Variants in MYCT1 observed in about 807,000 individuals in gnomAD.
MYCT1 encodes the protein myc target protein 1.
MYCT1 carries 12 observed loss-of-function variants against 15.0 expected under a neutral mutation model. That is an observed-to-expected ratio of 0.80 (90% CI 0.51 to 1.29). The LOEUF (loss-of-function observed/expected upper bound fraction) is 1.29. MYCT1 is among the 50% of genes most tolerant of loss of function. The probability of loss-of-function intolerance (pLI) is 0.00; values close to 1 mark genes in which losing one functional copy is unlikely to be tolerated. For missense variants in MYCT1, 287 were observed against 279.1 expected (o/e 1.03, Z -0.20); for synonymous variants, 104 against 102.7 (o/e 1.01, Z -0.07).
chr6:152,730,623 C>T, the MYCT1 span, among the ~76,000 whole-genome samples: 1 of 152,174 alleles, frequency 6.6e-6, no homozygotes, highest in African/African-American at 2.4e-5. Context: ...AGCAACCAGA[C>T]TTGCATTTGG....
In MYCT1 at chr6:152,723,149, G is replaced by C. The variant is rs2099725015; in HGVS notation, c.*896G>C. On this transcript the variant is annotated 3_prime_UTR_variant, in exon 2 of 2. Coordinates refer to ENST00000367245, the MANE Select transcript of MYCT1 (RefSeq NM_025107.3). The stretch of plus-strand genomic sequence containing the variant: ...GCACAGGAAACTGAACTCTTTTGGT[G>C]TCATTGGATGTTTCATTTTTGACAC... The C allele has an allele frequency of 1.3e-5, 2 of 152,178 alleles. No individual in the cohort carries two copies. Among genetic ancestry groups the C allele is most frequent in the African/African-American group, 2.4e-5 (1 of 41,420 alleles). The allele number at this position is 152,178 out of a possible 1,614,324, so 9.4% of individuals were successfully genotyped here.
At chr6:152,705,612 C>T (rs2099722119) in intron 1 of MYCT1, 1 of 160,844 alleles carries the variant, frequency 6.2e-6, no homozygotes, top group Admixed American at 6.4e-5. Context: ...GATAGTTCAA[C>T]TTACAATTTT....
At chr6:152,706,434 G>C (rs1050331638) in intron 1 of MYCT1, among the ~76,000 whole-genome samples, 2 of 152,134 alleles carry the variant, frequency 1.3e-5, no homozygotes, top group African/African-American at 4.8e-5. Flanking sequence ...AATCGCTGAG[G>C]TATTTTTACT....
chr6:152,707,792 T>C (rs1371671514), intron 1 of MYCT1, among the ~76,000 whole-genome samples: 2 of 152,068 alleles, frequency 1.3e-5, no homozygotes, highest in East Asian at 3.8e-4. Context: ...TGTTGTCAAA[T>C]ACCAATTGTC....
At chr6:152,745,937 G>T in the MYCT1 span, among the ~76,000 whole-genome samples, 2 of 152,144 alleles carry the variant, frequency 1.3e-5, no homozygotes, top group African/African-American at 4.8e-5. Context: ...AGCCAAGTTA[G>T]CCTCTATTGT....
intron 1 of MYCT1, among the ~76,000 whole-genome samples, chr6:152,721,226 C>T (rs1472438528): frequency 6.6e-6 from 1 of 152,160 alleles, no homozygotes; most frequent in Non-Finnish European, 1.5e-5. Context: ...CCCAGCACTT[C>T]CTGTCTCAGA....
chr6:152,742,898 T>G, the MYCT1 span, among the ~76,000 whole-genome samples: 1 of 152,180 alleles, frequency 6.6e-6, no homozygotes, highest in Non-Finnish European at 1.5e-5. Flanking sequence ...TGTTTCTCAT[T>G]TCCTTAGTAA....
the MYCT1 span, among the ~76,000 whole-genome samples, chr6:152,737,066 G>T: frequency 6.6e-6 from 1 of 152,012 alleles, no homozygotes; most frequent in Non-Finnish European, 1.5e-5. Flanking sequence ...ATAACCAAAA[G>T]CTTATCTTGA....
chr6:152,734,314 A>T, the MYCT1 span, among the ~76,000 whole-genome samples: 247 of 152,322 alleles, frequency 1.6e-3, 2 homozygotes, highest in African/African-American at 5.8e-3. Context: ...TTCAGAATAA[A>T]TCTCCGACTT....
rs555851540 is a variant in MYCT1, at chr6:152,721,014, G to A, written c.197-728G>A. The stretch of plus-strand genomic sequence containing the variant: ...TCTACAAATTACAGAATACTGGTAC[G>A]TAGCCGAGGCTCTATGGAGGTTCAG... On this transcript the variant is annotated intron_variant, in intron 1 of 1. Transcript: ENST00000367245. 5.9e-5 allele frequency among the ~76,000 whole-genome samples: 9 copies of A among 152,294 alleles called. No homozygotes were observed. In the East Asian group the frequency reaches 1.2e-3, roughly 20 times the overall value.
At chr6:152,727,080 G>T (rs186018899), downstream of MYCT1, among the ~76,000 whole-genome samples, 359 of 151,856 alleles carry the variant, frequency 2.4e-3, 3 homozygotes, top group African/African-American at 8.4e-3. Context: ...GCATGGTGGC[G>T]GGCGCCTGTA....
chr6:152,722,357 A>T lies in MYCT1; in HGVS notation c.*104A>T, dbSNP rs947903393. 6.9e-6 allele frequency: 8 copies of T among 1,167,292 alleles called. No homozygotes were observed. The African/African-American group carries it at 1.1e-4, about 16-fold the overall frequency. The allele number at this position is 1,167,292 out of a possible 1,614,324, so 72.3% of individuals were successfully genotyped here. On this transcript the variant is annotated 3_prime_UTR_variant, in exon 2 of 2. Coordinates refer to ENST00000367245, the MANE Select transcript of MYCT1 (RefSeq NM_025107.3). Reference sequence around the variant, plus strand: ...TTTGAGGGCATGGCCCAAATAACTCATGAGTTCCAAGTTGAAACATGGTTG... The same window carrying T: ...TTTGAGGGCATGGCCCAAATAACTCTTGAGTTCCAAGTTGAAACATGGTTG...
Position 152,698,112 on chromosome 6 carries a change from T to A in MYCT1, c.196+14T>A. 1 of 1,483,680 alleles carries A rather than the reference T, an allele frequency of 6.7e-7. No homozygotes were observed. The allele number at this position is 1,483,680 out of a possible 1,614,324, so 91.9% of individuals were successfully genotyped here. Reference sequence around the variant, plus strand: ...AAAACTTTTGGGGTAAGGTATTTTCTTTTACTGTTTAAAATTTAAAATTAG... The same window carrying A: ...AAAACTTTTGGGGTAAGGTATTTTCATTTACTGTTTAAAATTTAAAATTAG... On this transcript the variant is annotated intron_variant, in intron 1 of 1. Coordinates refer to ENST00000367245, the MANE Select transcript of MYCT1 (RefSeq NM_025107.3).
At chr6:152,706,847 A>ATGTGTGTGTGTGTGTGTGTG (rs4034690) in intron 1 of MYCT1, among the ~76,000 whole-genome samples, 152 of 148,304 alleles carry the variant, frequency 1.0e-3, no homozygotes, top group African/African-American at 3.5e-3. Context: ...GAAACCATAT[A>ATGTGTGTGTGTGTGTGTGTG]TGTGTGTGTG....
intron 1 of MYCT1, among the ~76,000 whole-genome samples, chr6:152,716,285 T>G (rs769263596): frequency 1.3e-5 from 2 of 152,204 alleles, no homozygotes; most frequent in Non-Finnish European, 2.9e-5. Context: ...GCCCTAAATA[T>G]TATTCTCCCT....
chr6:152,705,977 T>G, intron 1 of MYCT1: 1 of 797,600 alleles, frequency 1.3e-6, no homozygotes, highest in South Asian at 1.3e-5. Flanking sequence ...CAACAAAGAT[T>G]GTGAGAGCTG....
In MYCT1 at chr6:152,704,055, G is replaced by A. The variant is rs956601187; in HGVS notation, c.196+5957G>A. On this transcript the variant is annotated intron_variant, in intron 1 of 1. Coordinates refer to ENST00000367245, the MANE Select transcript of MYCT1 (RefSeq NM_025107.3). Reference sequence around the variant, plus strand: ...CTCTGCCACATGGGTGGAGTGCAGTGGTGCAATCACAGCTCACTGCAGCTT... The same window carrying A: ...CTCTGCCACATGGGTGGAGTGCAGTAGTGCAATCACAGCTCACTGCAGCTT... Among the ~76,000 whole-genome samples, 8 of 151,138 alleles carry A rather than the reference G, an allele frequency of 5.3e-5. No homozygotes were observed. In the East Asian group the frequency reaches 9.7e-4, roughly 18 times the overall value.
At chr6:152,702,897 A>C (rs2099721575) in intron 1 of MYCT1, among the ~76,000 whole-genome samples, 1 of 152,210 alleles carries the variant, frequency 6.6e-6, no homozygotes, top group African/African-American at 2.4e-5. Context: ...GAATTATGAA[A>C]ACTCATCTCA....
downstream of MYCT1, among the ~76,000 whole-genome samples, chr6:152,727,226 A>AAAT (rs1555097130): frequency 1.8e-4 from 27 of 148,688 alleles, no homozygotes; most frequent in South Asian, 8.5e-4. Context: ...AAAAAAAAAA[A>AAAT]TATGGAAAGA....
Sources: allele counts gnomAD v4.1 joint callset (sites outside exome capture counted in the v4.1 genomes callset), GRCh38; gene constraint gnomAD v4.1.1; transcripts MANE v1.5; gene names NCBI Gene and HGNC (gene_info 2026-07-23, HGNC 2026-07-21).